SBF2: variants seen among roughly 807,000 people sequenced by gnomAD.
SBF2 encodes the protein myotubularin-related protein 13.
In SBF2, 112 loss-of-function variants were observed where a neutral mutation model predicts 225.2. The observed-to-expected ratio is 0.50, with a 90% CI of 0.43 to 0.58. The LOEUF is 0.58. SBF2 is among the 20% of genes least tolerant of loss of function. The pLI, the probability that SBF2 is intolerant of heterozygous loss-of-function variation, is 0.00. For synonymous variants in SBF2, 763 were observed against 773.3 expected, an observed-to-expected ratio of 0.99 and a Z score of 0.22; for missense variants, 1,996 against 2,206.2, an observed-to-expected ratio of 0.90 and a Z score of 1.91.
Position 9,856,648 on chromosome 11 carries a change from G to T in SBF2, c.2173C>A (p.Pro725Thr), listed in dbSNP as rs755569072. The change falls in exon 19 of 40, where the codon CCT becomes ACT. Residue 725 changes from proline to threonine, a missense_variant. Pro to Thr is a conservative substitution (Grantham distance 38). Transcript: ENST00000256190. ...TGCTGAGTTGACTTGCTCAGGGTAG[G>T]CCAAAGGCGTAGTTGCTCAGCTGCC... ...DLAAEQLRLWPTLSKSTQQEL... is the reference protein window; with the variant it reads ...DLAAEQLRLWTTLSKSTQQEL... The T allele has an allele frequency of 2.5e-6, 4 of 1,614,144 alleles. No individual in the cohort carries two copies. The highest frequency in any genetic ancestry group is 2.5e-6 in the Non-Finnish European group (3 of 1,180,022).
chr11:9,836,248 T>C (rs1330860799), intron 26 of SBF2, among the ~76,000 whole-genome samples: 3 of 152,174 alleles, frequency 2.0e-5, no homozygotes, highest in Non-Finnish European at 1.5e-5. Flanking sequence ...TAAGCTTATT[T>C]GCTTTAACCT....
chr11:9,958,091 C>G (rs1281683395), intron 16 of SBF2: 1 of 152,136 alleles, frequency 6.6e-6, no homozygotes, highest in African/African-American at 2.4e-5. Context: ...TCAGGTCCCT[C>G]AAAGAAAAAA....
At chr11:10,174,176 G>A (rs988746280) in intron 2 of SBF2, among the ~76,000 whole-genome samples, 2 of 152,192 alleles carry the variant, frequency 1.3e-5, no homozygotes, top group Non-Finnish European at 2.9e-5. Flanking sequence ...ACTTTGACGA[G>A]CTGAGACAAG....
intron 16 of SBF2, among the ~76,000 whole-genome samples, chr11:9,896,324 T>C (rs1470849816): frequency 6.6e-6 from 1 of 152,230 alleles, no homozygotes; most frequent in Non-Finnish European, 1.5e-5. Flanking sequence ...CAAAGATTGT[T>C]AAAAGTTGTG....
chr11:10,232,966 G>C (rs1958916931), intron 1 of SBF2, among the ~76,000 whole-genome samples: 2 of 152,130 alleles, frequency 1.3e-5, no homozygotes, highest in Non-Finnish European at 2.9e-5. Flanking sequence ...GGAAAACCAA[G>C]AGTACAAATT....
rs188652777 is a variant in SBF2, at chr11:10,057,067, C to A, written c.142-14086G>T. Among the ~76,000 whole-genome samples the A allele has an allele frequency of 1.1e-3, 169 of 152,306 alleles. 1 individual carries two copies. Among genetic ancestry groups the A allele is most frequent in the Middle Eastern group, 3.4e-3 (1 of 294 alleles). ...GGGACAAAGCTCCCAGAGGGAGAAA[C>A]ACGCTCCCATCTTTGCTGTTTCACA... On this transcript the variant is annotated intron_variant, in intron 2 of 39. Transcript: ENST00000256190.
intron 2 of SBF2, among the ~76,000 whole-genome samples, chr11:10,178,043 T>C (rs1439743524): frequency 2.7e-5 from 4 of 146,140 alleles, no homozygotes; most frequent in South Asian, 2.1e-4. Context: ...ACACCACATA[T>C]CTACAACTAT....
At chr11:10,027,825 G>A (rs928647294) in intron 6 of SBF2, among the ~76,000 whole-genome samples, 7 of 152,242 alleles carry the variant, frequency 4.6e-5, no homozygotes, top group African/African-American at 1.4e-4. Flanking sequence ...GATAGATGGT[G>A]GGATGAGAAG....
At chr11:10,177,151 C>A (rs543050013) in intron 2 of SBF2, among the ~76,000 whole-genome samples, 19 of 152,034 alleles carry the variant, frequency 1.2e-4, no homozygotes, top group Admixed American at 4.6e-4. Flanking sequence ...ACTCTTCATG[C>A]TAAAAACTCT....
At chr11:10,014,850 C>T (rs996101832) in intron 6 of SBF2, among the ~76,000 whole-genome samples, 1 of 152,106 alleles carries the variant, frequency 6.6e-6, no homozygotes. Flanking sequence ...CTGTACCAGG[C>T]CTGGTGCAGT....
At chr11:9,789,441 A>C in intron 34 of SBF2, 99 bp from the exon 35 acceptor site, 1 of 802,914 alleles carries the variant, frequency 1.2e-6, no homozygotes, top group Non-Finnish European at 2.2e-6. Flanking sequence ...CAGGGGAGGA[A>C]GAGTATGAAT....
At chr11:9,976,859 C>T (rs1946714743) in intron 13 of SBF2, among the ~76,000 whole-genome samples, 1 of 151,844 alleles carries the variant, frequency 6.6e-6, no homozygotes, top group Non-Finnish European at 1.5e-5. Flanking sequence ...ACCTCCACCT[C>T]CCGGGTTCAC....
chr11:9,839,643 ACTT>A lies in SBF2; in HGVS notation c.3307_3309del (p.Lys1103del). On this transcript the variant is annotated inframe_deletion, in exon 26 of 40. Coordinates refer to ENST00000256190, the MANE Select transcript of SBF2 (RefSeq NM_030962.4). ...TTTTCCACCAACTGTTCCATTGTAG[ACTT>A]CTCGGAGGCCTTCAGGGTGGTACTT... is the stretch of plus-strand genomic sequence containing the variant. 1 of 1,613,776 alleles carries A rather than the reference ACTT, an allele frequency of 6.2e-7. No homozygotes were observed. The highest frequency in any genetic ancestry group is 8.5e-7 in the Non-Finnish European group (1 of 1,179,922).
At chr11:10,161,497 T>A (rs1303184445) in intron 2 of SBF2, among the ~76,000 whole-genome samples, 1 of 152,216 alleles carries the variant, frequency 6.6e-6, no homozygotes, top group Non-Finnish European at 1.5e-5. Flanking sequence ...ACTCTCCATA[T>A]TGGATAATAT....
At chr11:9,795,760 A>G in intron 33 of SBF2, 71 bp downstream of exon 33, 1 of 1,540,546 alleles carries the variant, frequency 6.5e-7, no homozygotes, top group East Asian at 2.3e-5. Context: ...GGATAGTTAC[A>G]TTATTAGAAT....
intron 1 of SBF2, among the ~76,000 whole-genome samples, chr11:10,206,460 AC>A (rs1324782697): frequency 5.3e-5 from 8 of 152,030 alleles, no homozygotes; most frequent in African/African-American, 1.9e-4. Flanking sequence ...GTAAAAAAGC[AC>A]CCATTACACC....
At chr11:10,266,207 G>A in intron 1 of SBF2, among the ~76,000 whole-genome samples, 1 of 152,204 alleles carries the variant, frequency 6.6e-6, no homozygotes, top group African/African-American at 2.4e-5. Context: ...AGGTGGCTAA[G>A]CACAAACTCA....
chr11:9,919,007 G>C (rs572467838), intron 16 of SBF2, among the ~76,000 whole-genome samples: 33 of 152,182 alleles, frequency 2.2e-4, no homozygotes, highest in African/African-American at 7.7e-4. Context: ...CTCCCAAAGT[G>C]CTGGGATTAC....
chr11:10,219,239 T>C (rs1368606831), intron 1 of SBF2, among the ~76,000 whole-genome samples: 1 of 152,222 alleles, frequency 6.6e-6, no homozygotes, highest in Non-Finnish European at 1.5e-5. Flanking sequence ...TTGACTTTTG[T>C]GTACCCACAG....
Sources: gnomAD v4.1 joint callset for allele counts (sites outside exome capture counted in the v4.1 genomes callset) on GRCh38, gnomAD v4.1.1 for gene constraint, MANE v1.5 for transcripts, NCBI Gene and HGNC (gene_info 2026-07-23, HGNC 2026-07-21) for gene names.